The following NCK1 variants were observed in gnomAD, a reference collection of about 807,000 sequenced individuals.
NCK1 encodes NCK adaptor protein 1, also known as SH2/SH3 adapter protein NCK1.
Under a neutral mutation model 36.6 loss-of-function variants are expected in NCK1, and 19 were observed. The ratio of observed to expected loss-of-function variants is 0.52; its 90% CI spans 0.36 to 0.76. NCK1 has a LOEUF of 0.76. Among genes scored for constraint, NCK1 ranks in the 30% least tolerant of loss-of-function variants. The pLI is 0.00. For missense variants in NCK1, 358 were observed against 445.6 expected (o/e 0.80, Z 1.77); for synonymous variants, 165 against 156.0 (o/e 1.06, Z -0.43).
intron 1 of NCK1, among the ~76,000 whole-genome samples, chr3:136,908,632 G>A (rs998409329): frequency 2.0e-5 from 3 of 152,178 alleles, no homozygotes; most frequent in African/African-American, 4.8e-5. Flanking sequence ...GGTGAACTGC[G>A]ACTGATTACT....
chr3:136,863,978 A>G (rs1212639665), intron 1 of NCK1, among the ~76,000 whole-genome samples: 1 of 151,180 alleles, frequency 6.6e-6, no homozygotes, highest in African/African-American at 2.4e-5. Flanking sequence ...GCGGGCGCCT[A>G]TAGTCCCAGC....
At chr3:136,924,321 G>A (rs1458880379) in intron 1 of NCK1, among the ~76,000 whole-genome samples, 1 of 152,170 alleles carries the variant, frequency 6.6e-6, no homozygotes, top group Non-Finnish European at 1.5e-5. Flanking sequence ...GAGATAGGGG[G>A]GATAGAGGAA....
At position 136,949,838 on chromosome 3, in the gene NCK1, G is replaced by T. The variant is rs13091654; in HGVS notation, c.*1385G>T. ...GTAAAATTGAAGTTGTGTAACTTGT[G>T]AATTTTTTTTATCAATGTTTTAAAT... On this transcript the variant is annotated 3_prime_UTR_variant, in exon 4 of 4. Transcript: ENST00000481752. 1 of 79,146 alleles carries T rather than the reference G, an allele frequency of 1.3e-5. No individual in the cohort carries two copies. The allele number at this position is 79,146 out of a possible 1,614,324, so 4.9% of individuals were successfully genotyped here.
At position 136,944,111 on chromosome 3, in the gene NCK1, C is replaced by CT. The variant is rs1560055771; in HGVS notation, c.227-1472_227-1471insT. Among the ~76,000 whole-genome samples the CT allele has an allele frequency of 7.7e-3, 619 of 80,872 alleles. 87 individuals are homozygous for CT. The highest frequency in any genetic ancestry group is 0.031 in the African/African-American group (541 of 17,410). 53.1% of individuals were successfully genotyped at this position (80,872 alleles called of 152,430 possible). A position where few individuals can be genotyped will look rare whatever the true frequency, so the allele number is the denominator to read the frequency against. ...AAAGTCGAGGGAAAAGGAAAAACAACCTTTTTTTTTTTTTTTTTTTTTTTT... is the reference window on the plus strand; with the variant it reads ...AAAGTCGAGGGAAAAGGAAAAACAACTCTTTTTTTTTTTTTTTTTTTTTTTT... On this transcript the variant is annotated intron_variant, in intron 2 of 3. Transcript: ENST00000481752.
At chr3:136,929,417 A>G (rs990390034) in intron 2 of NCK1, among the ~76,000 whole-genome samples, 3 of 152,180 alleles carry the variant, frequency 2.0e-5, no homozygotes, top group African/African-American at 7.2e-5. Context: ...CAGTGTTCTA[A>G]AGGTAATTAA....
chr3:136,923,674 T>C (rs1457989167), intron 1 of NCK1, among the ~76,000 whole-genome samples: 1 of 152,192 alleles, frequency 6.6e-6, no homozygotes, highest in East Asian at 1.9e-4. Context: ...GTTTTAAATA[T>C]GTTTGATATT....
chr3:136,942,606 C>G lies in NCK1; in HGVS notation c.227-2977C>G, dbSNP rs1444528430. Among the ~76,000 whole-genome samples, 5 of 152,304 alleles carry G rather than the reference C, an allele frequency of 3.3e-5. No homozygotes were observed. The East Asian group carries it at 9.6e-4, about 29-fold the overall frequency. ...TGCCTTAGCCTTTGCTTACTGTTTG[C>G]TCAAAGCCTGAAGATCAGCCAGGGT... is the stretch of plus-strand genomic sequence containing the variant. On this transcript the variant is annotated intron_variant, in intron 2 of 3. Transcript: ENST00000481752.
At chr3:136,940,455 G>A (rs915328062) in intron 2 of NCK1, among the ~76,000 whole-genome samples, 1 of 151,964 alleles carries the variant, frequency 6.6e-6, no homozygotes, top group Non-Finnish European at 1.5e-5. Flanking sequence ...CTCTTGTTAG[G>A]TATGCATATA....
chr3:136,879,989 T>TAAAAAAAAAAAA (rs891612999), intron 1 of NCK1, among the ~76,000 whole-genome samples: 42 of 119,502 alleles, frequency 3.5e-4, no homozygotes, highest in African/African-American at 1.1e-3. Flanking sequence ...TAAAGAATAT[T>TAAAAAAAAAAAA]AAAAAAAAAA....
Position 136,946,325 on chromosome 3 carries a change from TAGAGC to T in NCK1, c.939+31_939+35del, listed in dbSNP as rs749180139. ...GTTGATTTTCGGAGGTAAATACAAA[TAGAGC>T]TCTGGGTATTTTAAAAAAAAGAGAG... On this transcript the variant is annotated intron_variant, in intron 3 of 3. Transcript: ENST00000481752. The T allele has an allele frequency of 7.8e-6, 12 of 1,543,606 alleles. No individual in the cohort carries two copies. In the South Asian group the frequency reaches 1.1e-4, roughly 14 times the overall value.
chr3:136,891,589 T>G (rs557522894), intron 1 of NCK1, among the ~76,000 whole-genome samples: 2 of 152,350 alleles, frequency 1.3e-5, no homozygotes, highest in Admixed American at 1.3e-4. Flanking sequence ...TAATTTTGTT[T>G]CTAATTTTTT....
In NCK1 at chr3:136,945,902, C is replaced by T. The variant is rs1940804853; in HGVS notation, c.546C>T (p.Val182=). The T allele has an allele frequency of 1.1e-5, 17 of 1,613,938 alleles. No individual in the cohort carries two copies. Among genetic ancestry groups the T allele is most frequent in the African/African-American group, 1.3e-5 (1 of 74,974 alleles). ...CTCTGTCAGAGAAATTAGCAGCAGT[C>T]GTCAATAACCTAAATACTGGGCAAG... ...VGSLSEKLAA[V]VNNLNTGQVL... The change falls in exon 3 of 4, where the codon GTC becomes GTT. Residue 182 remains valine, a synonymous_variant. Transcript: ENST00000481752.
intron 1 of NCK1, among the ~76,000 whole-genome samples, chr3:136,864,173 G>A (rs1202497400): frequency 6.6e-6 from 1 of 151,512 alleles, no homozygotes; most frequent in African/African-American, 2.4e-5. Context: ...GTGCTTTCAG[G>A]TCCATCTAAA....
At chr3:136,935,066 T>C (rs1195522130) in intron 2 of NCK1, among the ~76,000 whole-genome samples, 2 of 152,094 alleles carry the variant, frequency 1.3e-5, no homozygotes, top group Admixed American at 1.3e-4. Context: ...CATGACTGGC[T>C]AATTTTTGTA....
intron 1 of NCK1, chr3:136,899,061 CCA>C (rs1247093365): frequency 1.1e-5 from 2 of 177,156 alleles, no homozygotes; most frequent in Non-Finnish European, 2.5e-5. Flanking sequence ...TTCTCTGGTA[CCA>C]CAGTCAGCCT....
intron 2 of NCK1, among the ~76,000 whole-genome samples, chr3:136,932,620 A>G (rs1400734934): frequency 2.6e-5 from 4 of 152,210 alleles, no homozygotes; most frequent in African/African-American, 7.2e-5. Context: ...CTTACAAGCC[A>G]TGTGGCCTGC....
chr3:136,894,014 G>A (rs1475470879), intron 1 of NCK1, among the ~76,000 whole-genome samples: 2 of 152,106 alleles, frequency 1.3e-5, no homozygotes, highest in Non-Finnish European at 2.9e-5. Flanking sequence ...TACCCTATTA[G>A]CAAGCATGGA....
At chr3:136,940,113 T>C (rs1940633406) in intron 2 of NCK1, among the ~76,000 whole-genome samples, 1 of 152,186 alleles carries the variant, frequency 6.6e-6, no homozygotes, top group Admixed American at 6.5e-5. Context: ...TCCCCCGACC[T>C]TGGACTCCCA....
At chr3:136,891,462 C>G (rs780799701) in intron 1 of NCK1, among the ~76,000 whole-genome samples, 14 of 152,214 alleles carry the variant, frequency 9.2e-5, no homozygotes, top group Admixed American at 4.6e-4. Flanking sequence ...GTTGCTTCCA[C>G]TTTTTGGCTG....
Sources: allele counts gnomAD v4.1 joint callset (sites outside exome capture counted in the v4.1 genomes callset), GRCh38; gene constraint gnomAD v4.1.1; transcripts MANE v1.5; gene names NCBI Gene and HGNC (gene_info 2026-07-23, HGNC 2026-07-21).